RNF145: variants seen among roughly 807,000 people sequenced by gnomAD.
RNF145 encodes the protein ring finger protein 145.
A neutral mutation model predicts 57.3 loss-of-function variants in RNF145; 12 were observed. That is an observed-to-expected ratio of 0.21 (90% CI 0.13 to 0.34). RNF145 has a LOEUF of 0.34. Among genes scored for constraint, RNF145 ranks in the 10% least tolerant of loss-of-function variants. The pLI is 1.00. For synonymous variants in RNF145, 262 were observed against 288.3 expected (o/e 0.91, Z 0.92); for missense variants, 429 against 799.0 (o/e 0.54, Z 5.58).
intron 4 of RNF145, among the ~76,000 whole-genome samples, chr5:159,178,441 A>C (rs1584681950): frequency 1.3e-5 from 2 of 152,100 alleles, no homozygotes; most frequent in East Asian, 3.9e-4. Context: ...ACCCTGCTCC[A>C]TCATACTGAT....
intron 2 of RNF145, among the ~76,000 whole-genome samples, chr5:159,195,338 A>T (rs1584703590): frequency 1.3e-5 from 2 of 152,182 alleles, no homozygotes; most frequent in East Asian, 1.9e-4. Flanking sequence ...TGAGAAAAAA[A>T]AAATAAACTT....
chr5:159,181,817 C>T (rs3213859), intron 4 of RNF145, 143 bp downstream of exon 4: 355,103 of 492,308 alleles, frequency 0.72, 131,361 homozygotes, highest in African/African-American at 0.93. Flanking sequence ...AAAAAACCAC[C>T]AAACAATGGG....
intron 8 of RNF145, among the ~76,000 whole-genome samples, chr5:159,167,618 T>C (rs946888925): frequency 6.6e-6 from 1 of 152,208 alleles, no homozygotes; most frequent in African/African-American, 2.4e-5. Flanking sequence ...AGAAATCTAC[T>C]TTTCAGATCT....
In RNF145 at chr5:159,159,040, AAG is replaced by A. The variant is rs1584655573; in HGVS notation, c.1627-7_1627-6del. ...GATCACAGCAGATTTCATGTCCTAA[AAG>A]AGGGGGAAAAAAGATACCTTATAAA... On this transcript the variant is annotated splice_polypyrimidine_tract_variant and splice_region_variant and intron_variant, in intron 10 of 10. Transcript: ENST00000424310. The A allele has an allele frequency of 5.6e-6, 9 of 1,604,402 alleles. No individual in the cohort carries two copies. Among genetic ancestry groups the A allele is most frequent in the African/African-American group, 1.3e-5 (1 of 74,514 alleles).
intron 8 of RNF145, among the ~76,000 whole-genome samples, chr5:159,165,132 A>G (rs567069174): frequency 6.6e-6 from 1 of 152,102 alleles, no homozygotes; most frequent in Non-Finnish European, 1.5e-5. Flanking sequence ...CAGTAATCTA[A>G]TTAACTATTG....
chr5:159,166,775 G>A (rs567771895), intron 8 of RNF145, among the ~76,000 whole-genome samples: 47 of 152,218 alleles, frequency 3.1e-4, no homozygotes, highest in Admixed American at 2.6e-4. Flanking sequence ...TTGGGATTAC[G>A]ATGGCTTCAC....
At chr5:159,207,275 G>T (rs1785923497) in intron 1 of RNF145, among the ~76,000 whole-genome samples, 1 of 152,084 alleles carries the variant, frequency 6.6e-6, no homozygotes, top group Admixed American at 6.5e-5. Context: ...GCTAATCTCT[G>T]AAGAACTATG....
At chr5:159,208,077 C>T (rs1785962644) in intron 1 of RNF145, 1 of 1,480,928 alleles carries the variant, frequency 6.8e-7, no homozygotes. Flanking sequence ...ATCCACTAAT[C>T]TTTGATGCCT....
In RNF145 at chr5:159,161,333, T is replaced by C; in HGVS notation, c.1559A>G (p.Lys520Arg). The C allele has an allele frequency of 1.2e-6, 2 of 1,614,168 alleles. No individual in the cohort carries two copies. The highest frequency in any genetic ancestry group is 3.3e-4 in the Middle Eastern group (2 of 6,058). The change falls in exon 10 of 11, where the codon AAA (lysine) becomes AGA (arginine). Residue 520 changes from lysine to arginine, a missense_variant. Lys to Arg is a conservative substitution (Grantham distance 26). Coordinates refer to ENST00000424310, the MANE Select transcript of RNF145 (RefSeq NM_001199383.2). ...LLRRDAVNKI[K>R]SLPIATKEQL... is the part of the protein sequence containing the mutation. ...CTCTTTCGTAGCAATGGGTAACGAT[T>C]TAATCTTATTCACAGCATCCCTGCG...
At chr5:159,178,657 A>T (rs1393360650) in intron 4 of RNF145, among the ~76,000 whole-genome samples, 1 of 152,074 alleles carries the variant, frequency 6.6e-6, no homozygotes, top group Admixed American at 6.6e-5. Flanking sequence ...ATGCCCTAAA[A>T]TCTAACATTA....
At chr5:159,185,139 C>G (rs143623621) in intron 3 of RNF145, among the ~76,000 whole-genome samples, 1 of 152,148 alleles carries the variant, frequency 6.6e-6, no homozygotes, top group African/African-American at 2.4e-5. Flanking sequence ...CCCCTTTGCT[C>G]GATTCCTCTC....
Position 159,158,578 on chromosome 5 carries a change from T to A in RNF145, c.*92A>T, listed in dbSNP as rs1784112995. On this transcript the variant is annotated 3_prime_UTR_variant, in exon 11 of 11. Coordinates refer to ENST00000424310, the MANE Select transcript of RNF145 (RefSeq NM_001199383.2). ...GGAATGTCAGTTTCCTGCCTGATCA[T>A]CTCATTTTCATTCCTCAAATCAGAA... 1 of 1,447,816 alleles carries A rather than the reference T, an allele frequency of 6.9e-7. No homozygotes were observed. The highest frequency in any genetic ancestry group is 9.3e-7 in the Non-Finnish European group (1 of 1,071,424). 89.7% of individuals were successfully genotyped at this position (1,447,816 alleles called of 1,614,324 possible). A position where few individuals can be genotyped will look rare whatever the true frequency, so the allele number is the denominator to read the frequency against.
At chr5:159,192,517 T>C (rs1337258669) in intron 3 of RNF145, among the ~76,000 whole-genome samples, 1 of 152,186 alleles carries the variant, frequency 6.6e-6, no homozygotes, top group African/African-American at 2.4e-5. Flanking sequence ...AAAAAGATAT[T>C]ATATGGCTAT....
intron 1 of RNF145, 50 bp from the exon 2 acceptor site, chr5:159,203,706 G>A (rs1785757088): frequency 1.6e-6 from 2 of 1,247,088 alleles, no homozygotes; most frequent in Non-Finnish European, 2.2e-6. Flanking sequence ...AACACAAATC[G>A]CTTTTAGATA....
At chr5:159,173,743 A>T (rs1396273570) in intron 6 of RNF145, among the ~76,000 whole-genome samples, 1 of 152,166 alleles carries the variant, frequency 6.6e-6, no homozygotes, top group Non-Finnish European at 1.5e-5. Flanking sequence ...TTTGCTATGT[A>T]CCTTTCCACA....
chr5:159,204,545 C>T (rs1052999750), intron 1 of RNF145, among the ~76,000 whole-genome samples: 7 of 152,074 alleles, frequency 4.6e-5, no homozygotes, highest in African/African-American at 1.4e-4. Context: ...GTGGCACACG[C>T]CTGTAATCCC....
intron 5 of RNF145, among the ~76,000 whole-genome samples, chr5:159,174,381 T>C (rs367669409): frequency 6.6e-6 from 1 of 152,188 alleles, no homozygotes; most frequent in African/African-American, 2.4e-5. Flanking sequence ...ACTTATCTAA[T>C]AGCACAGTAA....
intron 1 of RNF145, among the ~76,000 whole-genome samples, chr5:159,205,091 A>G (rs1418422532): frequency 6.6e-6 from 1 of 152,182 alleles, no homozygotes; most frequent in Non-Finnish European, 1.5e-5. Flanking sequence ...ATAGTCAAAA[A>G]GCTAAAGGCA....
intron 8 of RNF145, 142 bp from the exon 9 acceptor site, chr5:159,163,221 T>A: frequency 1.3e-6 from 1 of 747,742 alleles, no homozygotes; most frequent in Non-Finnish European, 2.2e-6. Flanking sequence ...GTCACTGTAC[T>A]AGAGTTCAGA....
Sources: gnomAD v4.1 joint callset for allele counts (sites outside exome capture counted in the v4.1 genomes callset) on GRCh38, gnomAD v4.1.1 for gene constraint, MANE v1.5 for transcripts, NCBI Gene and HGNC (gene_info 2026-07-23, HGNC 2026-07-21) for gene names.